POTEE: variants seen among roughly 807,000 people sequenced by gnomAD.
POTEE encodes POTE ankyrin domain family member E.
POTEE carries 21 observed loss-of-function variants against 74.2 expected under a neutral mutation model. The ratio of observed to expected loss-of-function variants is 0.28; its 90% confidence interval spans 0.20 to 0.41. The LOEUF is 0.41. Ranked by LOEUF, POTEE falls within the 10% of genes least tolerant of loss-of-function variation. The pLI, the probability that POTEE is intolerant of heterozygous loss-of-function variation, is 1.00. For synonymous variants in POTEE, 211 were observed against 432.8 expected, an observed-to-expected ratio of 0.49 and a Z score of 6.36; for missense variants, 525 against 1,158.6, an observed-to-expected ratio of 0.45 and a Z score of 7.94.
At chr2:131,222,891 C>A (rs2105074764) in intron 4 of POTEE, among the ~76,000 whole-genome samples, 2 of 151,910 alleles carry the variant, frequency 1.3e-5, no homozygotes, top group Admixed American at 1.3e-4. Context: ...CGCCCCGGAC[C>A]TGTTATAACA....
At chr2:131,220,688 A>G (rs1324270857) in intron 4 of POTEE, among the ~76,000 whole-genome samples, 1 of 152,234 alleles carries the variant, frequency 6.6e-6, no homozygotes, top group East Asian at 1.9e-4. Context: ...AAGGCCGGGT[A>G]CAGTGGCTTA....
At chr2:131,233,292 T>G (rs1297790863) in intron 9 of POTEE, among the ~76,000 whole-genome samples, 1 of 151,938 alleles carries the variant, frequency 6.6e-6, no homozygotes, top group Non-Finnish European at 1.5e-5. Flanking sequence ...CCTGCTGTTG[T>G]CTGCTGTTGT....
At chr2:131,222,024 T>C (rs1700633983) in intron 4 of POTEE, among the ~76,000 whole-genome samples, 1 of 152,280 alleles carries the variant, frequency 6.6e-6, no homozygotes, top group Non-Finnish European at 1.5e-5. Flanking sequence ...AGCTGAGAGA[T>C]TTAAAATTGG....
At chr2:131,262,887 A>C (rs1232472355) in intron 17 of POTEE, among the ~76,000 whole-genome samples, 1 of 152,262 alleles carries the variant, frequency 6.6e-6, no homozygotes, top group African/African-American at 2.4e-5. Flanking sequence ...AACTTTGAGA[A>C]ATTGCTTCTG....
At chr2:131,235,930 AC>A (rs1340256135) in intron 9 of POTEE, among the ~76,000 whole-genome samples, 1 of 152,048 alleles carries the variant, frequency 6.6e-6, no homozygotes, top group Admixed American at 6.6e-5. Flanking sequence ...TTTGTAAGGT[AC>A]TATTGTTGCA....
At chr2:131,211,909 AT>A (rs1263013637) in intron 2 of POTEE, among the ~76,000 whole-genome samples, 1 of 150,348 alleles carries the variant, frequency 6.7e-6, no homozygotes, top group Non-Finnish European at 1.5e-5. Flanking sequence ...AATTTTGTGA[AT>A]TGGGGAGGGG....
intron 6 of POTEE, among the ~76,000 whole-genome samples, chr2:131,225,686 G>GTT (rs1207304302): frequency 0.012 from 1,455 of 124,574 alleles, 19 homozygotes; most frequent in African/African-American, 0.047. Context: ...TCCAACCTCA[G>GTT]TTTTTTTTTT....
chr2:131,227,410 C>T (rs1271536855), intron 7 of POTEE, among the ~76,000 whole-genome samples: 4 of 146,396 alleles, frequency 2.7e-5, no homozygotes, highest in African/African-American at 8.1e-5. Flanking sequence ...GTTAGCTTAT[C>T]CCTACATGAC....
At chr2:131,213,491 T>TA (rs1217787488) in intron 2 of POTEE, among the ~76,000 whole-genome samples, 2 of 152,150 alleles carry the variant, frequency 1.3e-5, no homozygotes, top group Non-Finnish European at 1.5e-5. Context: ...GAGCATGTAA[T>TA]ATACCATTGA....
intron 2 of POTEE, among the ~76,000 whole-genome samples, chr2:131,211,389 G>C (rs1052779241): frequency 6.6e-6 from 1 of 151,254 alleles, no homozygotes; most frequent in Admixed American, 6.6e-5. Context: ...ATGGGCCTCG[G>C]TGGCAGTGGT....
intron 4 of POTEE, among the ~76,000 whole-genome samples, chr2:131,222,598 C>A (rs1297167757): frequency 6.6e-6 from 1 of 152,008 alleles, no homozygotes; most frequent in Non-Finnish European, 1.5e-5. Flanking sequence ...CAAATCGTTT[C>A]ATAAATCCGT....
chr2:131,219,684 CAGAGATAGTGCCACCGCACT>C (rs1249608888), intron 4 of POTEE, among the ~76,000 whole-genome samples: 1 of 151,216 alleles, frequency 6.6e-6, no homozygotes, highest in Non-Finnish European at 1.5e-5. Flanking sequence ...TTGCAGTGAG[CAGAGATAGTGCCACCGCACT>C]CCAGCCTGGG....
rs947079411 is a variant in POTEE at position 131,265,008 on chromosome 2, A to T, written c.*325A>T. 2 of 509,658 alleles carry T rather than the reference A, an allele frequency of 3.9e-6. No homozygotes were observed. The highest frequency in any genetic ancestry group is 3.9e-5 in the African/African-American group (2 of 51,730). The allele number at this position is 509,658 out of a possible 1,614,324, so 31.6% of individuals were successfully genotyped here. A position where few individuals can be genotyped will look rare whatever the true frequency, so the allele number is the denominator to read the frequency against. On this transcript the variant is annotated 3_prime_UTR_variant, in exon 18 of 18. Coordinates refer to ENST00000683005, the MANE Select transcript of POTEE (RefSeq NM_001083538.3). ...AGCCATCCCACTTCTCTCTAAGGAG[A>T]ATGGCCCAGTCCTCTCCCTAGTTCA...
chr2:131,225,018 A>G (rs1700736767), intron 6 of POTEE, among the ~76,000 whole-genome samples: 1 of 152,126 alleles, frequency 6.6e-6, no homozygotes, highest in Non-Finnish European at 1.5e-5. Context: ...TTTTCAGCAA[A>G]TGGGCCTCTC....
chr2:131,248,523 A>G (rs1480132769), intron 13 of POTEE, among the ~76,000 whole-genome samples: 2 of 151,676 alleles, frequency 1.3e-5, no homozygotes, highest in African/African-American at 4.8e-5. Context: ...TGTTTAATGG[A>G]ATATTCGTGT....
At position 131,209,791 on chromosome 2, in the gene POTEE, G is replaced by A. The variant is rs1700316178; in HGVS notation, c.-373G>A. 6.6e-6 allele frequency among the ~76,000 whole-genome samples: 1 copy of A among 152,182 alleles called. No homozygotes were observed. The highest frequency in any genetic ancestry group is 1.5e-5 in the Non-Finnish European group (1 of 68,022). ...TGGTGACGTGGGACACTGCAGCTCG[G>A]CCAGAGTGGTAGAAATGTCCTGGTG... On this transcript the variant is annotated 5_prime_UTR_variant, in exon 1 of 18. Transcript: ENST00000683005.
intron 6 of POTEE, among the ~76,000 whole-genome samples, chr2:131,224,489 C>G (rs374683006): frequency 2.8e-5 from 4 of 144,016 alleles, no homozygotes; most frequent in Non-Finnish European, 6.0e-5. Flanking sequence ...GCGCCTCTCA[C>G]TGGCAAGGCT....
At chr2:131,215,254 T>C (rs1700424072) in intron 2 of POTEE, among the ~76,000 whole-genome samples, 1 of 152,202 alleles carries the variant, frequency 6.6e-6, no homozygotes, top group South Asian at 2.1e-4. Flanking sequence ...TCCTTTTTTC[T>C]ATGTAAATAA....
chr2:131,231,792 T>C (rs1255475745), intron 9 of POTEE, among the ~76,000 whole-genome samples: 1 of 150,306 alleles, frequency 6.7e-6, no homozygotes, highest in Non-Finnish European at 1.5e-5. Context: ...GAAAAACGTT[T>C]CACACTAACA....
Sources: gnomAD v4.1 joint callset for allele counts (sites outside exome capture counted in the v4.1 genomes callset) on GRCh38, gnomAD v4.1.1 for gene constraint, MANE v1.5 for transcripts, NCBI Gene and HGNC (gene_info 2026-07-23, HGNC 2026-07-21) for gene names.